CDK14: variants seen among roughly 807,000 people sequenced by gnomAD.
The protein encoded by CDK14 is cyclin dependent kinase 14.
In CDK14, 34 loss-of-function variants were observed where a neutral mutation model predicts 60.7. The observed-to-expected ratio is 0.56, with a 90% CI of 0.43 to 0.75. CDK14 has a LOEUF of 0.75. CDK14 is among the 30% of genes least tolerant of loss of function. The pLI is 0.00. For missense variants in CDK14, 482 were observed against 564.1 expected, an observed-to-expected ratio of 0.85 and a Z score of 1.47; for synonymous variants, 197 against 203.7, an observed-to-expected ratio of 0.97 and a Z score of 0.28.
intron 2 of CDK14, among the ~76,000 whole-genome samples, chr7:90,651,472 A>G (rs1800639941): frequency 6.6e-6 from 1 of 152,124 alleles, no homozygotes; most frequent in Admixed American, 6.6e-5. Flanking sequence ...AGTTACTAAT[A>G]TTGGGGTTGC....
intron 10 of CDK14, among the ~76,000 whole-genome samples, chr7:90,986,298 T>G (rs1163060136): frequency 6.6e-6 from 1 of 152,078 alleles, no homozygotes; most frequent in East Asian, 1.9e-4. Flanking sequence ...CATTGCACAA[T>G]CATCCTGTTA....
chr7:90,994,644 T>C (rs1430390751), intron 10 of CDK14, among the ~76,000 whole-genome samples: 1 of 152,204 alleles, frequency 6.6e-6, no homozygotes, highest in East Asian at 1.9e-4. Context: ...TTTTTGTTTT[T>C]CCCATACTCC....
intron 14 of CDK14, among the ~76,000 whole-genome samples, chr7:91,127,532 G>A (rs1214408866): frequency 2.6e-5 from 4 of 152,084 alleles, no homozygotes; most frequent in South Asian, 2.1e-4. Context: ...CCAGGGTTCC[G>A]GATTCACGTG....
chr7:90,996,421 T>C (rs1795682422), intron 10 of CDK14, among the ~76,000 whole-genome samples: 1 of 152,214 alleles, frequency 6.6e-6, no homozygotes, highest in African/African-American at 2.4e-5. Context: ...CTCCTCAAAA[T>C]ATTCTATCCT....
intron 11 of CDK14, among the ~76,000 whole-genome samples, chr7:91,048,283 GT>G (rs1311273535): frequency 6.6e-6 from 1 of 152,036 alleles, no homozygotes; most frequent in African/African-American, 2.4e-5. Context: ...TCCTCATCTT[GT>G]TTTTCTCATT....
At chr7:91,185,288 C>T (rs1802137196) in intron 14 of CDK14, among the ~76,000 whole-genome samples, 1 of 151,684 alleles carries the variant, frequency 6.6e-6, no homozygotes, top group African/African-American at 2.4e-5. Flanking sequence ...CAAAACCCAG[C>T]TCAGTTCTAA....
At chr7:91,174,070 G>T (rs555717562) in intron 14 of CDK14, among the ~76,000 whole-genome samples, 1 of 152,146 alleles carries the variant, frequency 6.6e-6, no homozygotes, top group Non-Finnish European at 1.5e-5. Context: ...TGACAGCTTT[G>T]AAGAGAGCAG....
At chr7:90,776,151 T>G (rs574354313) in intron 4 of CDK14, among the ~76,000 whole-genome samples, 1 of 152,218 alleles carries the variant, frequency 6.6e-6, no homozygotes, top group East Asian at 1.9e-4. Flanking sequence ...ATTTTTCCTG[T>G]GCTTTGCCTT....
At position 91,079,449 on chromosome 7, in the gene CDK14, A is replaced by G. The variant is rs573288226; in HGVS notation, c.1123A>G (p.Ser375Gly). 15 of 1,601,092 alleles carry G rather than the reference A, an allele frequency of 9.4e-6. No homozygotes were observed. In the East Asian group the frequency reaches 3.4e-4, roughly 36 times the overall value. Reference protein sequence around the residue: ...HFKPERFTLYSSKNLRQAWNK... With the variant: ...HFKPERFTLYGSKNLRQAWNK... ...TATTTCAGAACGCTTTACCCTGTAC[A>G]GCTCTAAAAACCTTAGACAAGCATG... is the stretch of plus-strand genomic sequence containing the variant. The change falls in exon 12 of 15, where the codon AGC becomes GGC. Residue 375 changes from serine to glycine, a missense_variant. Coordinates refer to ENST00000380050, the MANE Select transcript of CDK14 (RefSeq NM_001287135.2).
intron 2 of CDK14, among the ~76,000 whole-genome samples, chr7:90,688,831 A>G (rs932758156): frequency 2.1e-4 from 32 of 152,172 alleles, no homozygotes; most frequent in African/African-American, 7.5e-4. Flanking sequence ...AATATTTACA[A>G]TATGATTATA....
intron 10 of CDK14, among the ~76,000 whole-genome samples, chr7:91,019,181 G>A (rs191718942): frequency 1.3e-5 from 2 of 152,238 alleles, no homozygotes; most frequent in East Asian, 3.9e-4. Context: ...GTTCTTGTTG[G>A]CAGAGATGCA....
At chr7:90,880,800 G>C (rs1338914737) in intron 6 of CDK14, among the ~76,000 whole-genome samples, 1 of 152,054 alleles carries the variant, frequency 6.6e-6, no homozygotes, top group Non-Finnish European at 1.5e-5. Context: ...CAGATGAATA[G>C]GGCCTGAAGT....
At chr7:90,813,057 A>G (rs958599421) in intron 5 of CDK14, among the ~76,000 whole-genome samples, 1 of 152,238 alleles carries the variant, frequency 6.6e-6, no homozygotes, top group Non-Finnish European at 1.5e-5. Context: ...AAAATATGGT[A>G]TATTTGTACA....
At chr7:90,814,175 T>C (rs947151368) in intron 5 of CDK14, among the ~76,000 whole-genome samples, 1 of 152,202 alleles carries the variant, frequency 6.6e-6, no homozygotes, top group Non-Finnish European at 1.5e-5. Flanking sequence ...GGTTGAATTA[T>C]AGGACTGTAA....
intron 2 of CDK14, among the ~76,000 whole-genome samples, chr7:90,681,516 A>G (rs1801317375): frequency 6.6e-6 from 1 of 152,226 alleles, no homozygotes; most frequent in South Asian, 2.1e-4. Flanking sequence ...GCTCTCTGGG[A>G]TGCCTGTGCA....
At position 90,838,526 on chromosome 7, in the gene CDK14, A is replaced by G. The variant is rs374831617; in HGVS notation, c.545-24649A>G. Among the ~76,000 whole-genome samples the G allele has an allele frequency of 1.5e-4, 23 of 152,254 alleles. No homozygotes were observed. In the South Asian group the frequency reaches 4.8e-3, roughly 32 times the overall value. ...TTTTCTTCTTGCAGGGAGCCTATAA[A>G]TAGATGTGTGAGTAGGAGAAATATT... On this transcript the variant is annotated intron_variant, in intron 5 of 14. Coordinates refer to ENST00000380050, the MANE Select transcript of CDK14 (RefSeq NM_001287135.2).
chr7:90,917,498 T>C, intron 7 of CDK14, 103 bp from the exon 8 acceptor site: 1 of 1,075,262 alleles, frequency 9.3e-7, no homozygotes, highest in Non-Finnish European at 1.3e-6. Context: ...TGGTGATGGT[T>C]ACCCATTTTC....
chr7:91,097,526 T>A (rs1472485987), intron 12 of CDK14, among the ~76,000 whole-genome samples: 2 of 151,992 alleles, frequency 1.3e-5, no homozygotes, highest in East Asian at 3.9e-4. Flanking sequence ...CTAATAAGAT[T>A]TTTTTTTGTA....
rs190121830 is a variant in CDK14, at chr7:90,690,650, C to G, written c.124-35917C>G. On this transcript the variant is annotated intron_variant, in intron 2 of 14. Transcript: ENST00000380050. ...AGTATTCAGTATAATAGTGTGGTTT[C>G]TCTCATATTGAGCCAGATGGCGTTC... Among the ~76,000 whole-genome samples the G allele has an allele frequency of 1.4e-3, 213 of 152,230 alleles. 1 individual carries two copies. Among genetic ancestry groups the G allele is most frequent in the African/African-American group, 4.7e-3 (195 of 41,540 alleles).
Sources: allele counts gnomAD v4.1 joint callset (sites outside exome capture counted in the v4.1 genomes callset), GRCh38; gene constraint gnomAD v4.1.1; transcripts MANE v1.5; gene names NCBI Gene and HGNC (gene_info 2026-07-23, HGNC 2026-07-21).